The following CAST variants were observed in gnomAD, a reference collection of about 807,000 sequenced individuals.
CAST encodes MIR583 host.
Under a neutral mutation model 119.6 loss-of-function variants are expected in CAST, and 76 were observed. The observed-to-expected ratio is 0.64, with a 90% confidence interval of 0.53 to 0.77. The LOEUF is 0.77. Among genes scored for constraint, CAST ranks in the 30% least tolerant of loss-of-function variants. The pLI is 0.00. For missense variants in CAST, 953 were observed against 946.5 expected (o/e 1.01, Z -0.09); for synonymous variants, 319 against 331.6 (o/e 0.96, Z 0.41).
chr5:96,277,271 C>T, the CAST span, among the ~76,000 whole-genome samples: 8 of 151,984 alleles, frequency 5.3e-5, no homozygotes, highest in African/African-American at 1.9e-4. Context: ...ATTAACTCTC[C>T]AAAGTAGTTG....
chr5:96,610,341 GC>G (rs573178733), intron 1 of CAST, among the ~76,000 whole-genome samples: 105 of 152,122 alleles, frequency 6.9e-4, no homozygotes, highest in Non-Finnish European at 1.3e-3. Flanking sequence ...TGTCTTCATA[GC>G]AGTGCAAGAA....
chr5:96,068,548 C>G, the CAST span, among the ~76,000 whole-genome samples: 5 of 150,590 alleles, frequency 3.3e-5, no homozygotes, highest in African/African-American at 1.2e-4. Context: ...AGTAAGGAAC[C>G]CTGTATTAGT....
At chr5:96,436,678 G>C in the CAST span, among the ~76,000 whole-genome samples, 1 of 151,892 alleles carries the variant, frequency 6.6e-6, no homozygotes, top group Non-Finnish European at 1.5e-5. Flanking sequence ...AATTTTACAG[G>C]TCAAGTATGA....
intron 1 of CAST, among the ~76,000 whole-genome samples, chr5:96,641,515 G>A (rs155051): frequency 0.67 from 101,339 of 151,960 alleles, 34,437 homozygotes; most frequent in East Asian, 0.79. Flanking sequence ...CATGTGAATC[G>A]TCCCTTTTCA....
the CAST span, among the ~76,000 whole-genome samples, chr5:96,311,675 T>C: frequency 9.3e-4 from 142 of 152,222 alleles, 1 homozygote; most frequent in East Asian, 0.026. Flanking sequence ...TGTCTCTTTT[T>C]AGTTTTTAAC....
chr5:96,289,867 T>A, the CAST span, among the ~76,000 whole-genome samples: 1 of 152,176 alleles, frequency 6.6e-6, no homozygotes, highest in Non-Finnish European at 1.5e-5. Flanking sequence ...AATTATTTTA[T>A]TGTTGTTGCT....
At chr5:96,099,667 G>A in the CAST span, among the ~76,000 whole-genome samples, 1 of 152,186 alleles carries the variant, frequency 6.6e-6, no homozygotes, top group African/African-American at 2.4e-5. Flanking sequence ...GCATCCCAAG[G>A]ATGAAGCCTA....
the CAST span, among the ~76,000 whole-genome samples, chr5:96,109,448 T>G: frequency 7.4e-3 from 1,124 of 152,346 alleles, 15 homozygotes; most frequent in African/African-American, 0.026. Flanking sequence ...ATCTGGAATC[T>G]TACTAGAAAA....
At chr5:96,693,906 T>G (rs767143375) in intron 2 of CAST, among the ~76,000 whole-genome samples, 2 of 150,802 alleles carry the variant, frequency 1.3e-5, no homozygotes, top group African/African-American at 4.8e-5. Context: ...AAGTGTATGC[T>G]TGGGAGAGAC....
At chr5:96,387,172 A>C in the CAST span, among the ~76,000 whole-genome samples, 1 of 152,240 alleles carries the variant, frequency 6.6e-6, no homozygotes, top group South Asian at 2.1e-4. Context: ...TTTGTGGCTG[A>C]CTCAAGAGTG....
chr5:96,388,693 A>G, the CAST span, among the ~76,000 whole-genome samples: 1 of 152,174 alleles, frequency 6.6e-6, no homozygotes, highest in African/African-American at 2.4e-5. Context: ...CTTCCTCCTC[A>G]TGAGTTTAAA....
chr5:96,746,257 C>A, intron 16 of CAST, 85 bp from the exon 17 acceptor site: 2 of 809,766 alleles, frequency 2.5e-6, no homozygotes, highest in Non-Finnish European at 4.4e-6. Flanking sequence ...TTCTCTATAA[C>A]ACTCGAGAAG....
At chr5:96,225,750 C>T in the CAST span, among the ~76,000 whole-genome samples, 1 of 152,144 alleles carries the variant, frequency 6.6e-6, no homozygotes, top group African/African-American at 2.4e-5. Flanking sequence ...CAAATTATTA[C>T]TCAAAGATAG....
chr5:96,274,436 G>A, the CAST span, among the ~76,000 whole-genome samples: 1 of 152,066 alleles, frequency 6.6e-6, no homozygotes, highest in South Asian at 2.1e-4. Flanking sequence ...TGTCAATTCT[G>A]TCCAAAATTT....
At chr5:96,503,338 G>A in the CAST span, among the ~76,000 whole-genome samples, 1 of 152,110 alleles carries the variant, frequency 6.6e-6, no homozygotes, top group Non-Finnish European at 1.5e-5. Flanking sequence ...GTAAGGTGAA[G>A]GTGAAAGGGG....
intron 27 of CAST, 86 bp from the exon 28 acceptor site, chr5:96,767,352 A>G: frequency 9.3e-7 from 1 of 1,073,312 alleles, no homozygotes; most frequent in East Asian, 2.4e-5. Context: ...AAGTCAAGTC[A>G]TGGGACAATA....
chr5:96,537,169 G>A (rs1745835201), intron 1 of CAST, among the ~76,000 whole-genome samples: 1 of 152,184 alleles, frequency 6.6e-6, no homozygotes, highest in Non-Finnish European at 1.5e-5. Context: ...CCAGACTGAA[G>A]CCCACCCTTG....
intron 1 of CAST, among the ~76,000 whole-genome samples, chr5:96,601,314 C>G (rs1315045567): frequency 6.6e-6 from 1 of 152,182 alleles, no homozygotes; most frequent in African/African-American, 2.4e-5. Context: ...TTTCGTTTTT[C>G]GCCTAACAGA....
chr5:95,999,275 T>A, the CAST span, among the ~76,000 whole-genome samples: 1 of 152,188 alleles, frequency 6.6e-6, no homozygotes, highest in Non-Finnish European at 1.5e-5. Flanking sequence ...TGCATAACTT[T>A]TTGAGGGTCA....
Sources: gnomAD v4.1 joint callset for allele counts (sites outside exome capture counted in the v4.1 genomes callset) on GRCh38, gnomAD v4.1.1 for gene constraint, MANE v1.5 for transcripts, NCBI Gene and HGNC (gene_info 2026-07-23, HGNC 2026-07-21) for gene names.